The following PTPRH variants were observed in gnomAD, a reference collection of about 807,000 sequenced individuals.
The protein encoded by PTPRH is protein tyrosine phosphatase receptor type H, also known as receptor-type tyrosine-protein phosphatase H.
In PTPRH, 113 loss-of-function variants were observed where a neutral mutation model predicts 130.2. That is an observed-to-expected ratio of 0.87 (90% CI 0.75 to 1.01). The LOEUF is 1.01. PTPRH is among the 50% of genes least tolerant of loss of function. PTPRH has a pLI of 0.00. For synonymous variants in PTPRH, 556 were observed against 577.9 expected (o/e 0.96, Z 0.54); for missense variants, 1,430 against 1,425.0 (o/e 1.00, Z -0.06).
intron 16 of PTPRH, 56 bp downstream of exon 16, chr19:55,186,169 G>A: frequency 6.3e-7 from 1 of 1,579,146 alleles, no homozygotes; most frequent in African/African-American, 1.3e-5. Flanking sequence ...TACATTGGAT[G>A]AGTGTTCGGG....
chr19:55,188,822 C>A (rs2086442608), intron 12 of PTPRH, among the ~76,000 whole-genome samples: 1 of 152,176 alleles, frequency 6.6e-6, no homozygotes, highest in Admixed American at 6.5e-5. Flanking sequence ...CTGGCTTGGC[C>A]CCCACCTACC....
intron 8 of PTPRH, among the ~76,000 whole-genome samples, chr19:55,198,366 T>G (rs544239214): frequency 1.3e-3 from 201 of 152,308 alleles, no homozygotes; most frequent in Non-Finnish European, 4.7e-4. Flanking sequence ...GGTGACTTTG[T>G]CAGCTCCTGA....
In PTPRH at chr19:55,185,629, A is replaced by G. The variant is rs147127674; in HGVS notation, c.2935T>C (p.Phe979Leu). 1.9e-6 allele frequency: 3 copies of G among 1,614,050 alleles called. No individual in the cohort carries two copies. In the African/African-American group the frequency reaches 4.0e-5, roughly 22 times the overall value. Reference sequence around the variant, plus strand: ...TGATCCGGCCAGGCCTGGTAGTGGAATTGGCGCACAGACAGTGTCTTCTGC... The same window carrying G: ...TGATCCGGCCAGGCCTGGTAGTGGAGTTGGCGCACAGACAGTGTCTTCTGC... ...EEQKTLSVRQFHYQAWPDHGV... is the reference protein window; with the variant it reads ...EEQKTLSVRQLHYQAWPDHGV... Residue 979 changes from phenylalanine to leucine, a missense_variant, in exon 18 of 20, where the codon TTC becomes CTC. Physicochemically the swap from Phe to Leu is conservative, Grantham distance 22. Transcript: ENST00000376350.
At chr19:55,207,019 C>G in intron 2 of PTPRH, 64 bp from the exon 3 acceptor site, 1 of 1,551,060 alleles carries the variant, frequency 6.4e-7, no homozygotes, top group Non-Finnish European at 8.7e-7. Flanking sequence ...CTCCCAACCC[C>G]TGAGCTCACG....
At position 55,196,610 on chromosome 19, in the gene PTPRH, C is replaced by T. The variant is rs760694139; in HGVS notation, c.2169G>A (p.Pro723=). 7.4e-6 allele frequency: 12 copies of T among 1,613,666 alleles called. No homozygotes were observed. The highest frequency in any genetic ancestry group is 5.3e-5 in the African/African-American group (4 of 74,796). The change falls in exon 10 of 20, where the codon CCG becomes CCA. Residue 723 remains proline, a synonymous_variant. Coordinates refer to ENST00000376350, the MANE Select transcript of PTPRH (RefSeq NM_002842.5). ...GEAVSVLGLG[P]ARSYPATITT... ...TGATGGTGGCTGGGTAGGACCGAGC[C>T]GGCCCGAGACCCAACACAGACACAG... is the stretch of plus-strand genomic sequence containing the variant.
At position 55,209,421 on chromosome 19, in the gene PTPRH, C is replaced by CT; in HGVS notation, c.12_13insA (p.Gly5ArgfsTer104). On this transcript the variant is annotated frameshift_variant, in exon 1 of 20. Coordinates refer to ENST00000376350, the MANE Select transcript of PTPRH (RefSeq NM_002842.5). LOFTEE classifies it high-confidence loss of function. The surrounding 1 kb of genome is among the most constrained non-coding windows in gnomAD (Gnocchi z 4.1). Reference sequence around the variant, plus strand: ...TTCCCCCAGACCCCGAGGCCCCCGCCAGCCCCAGCCATGCCTCCAGACACT... The same window carrying CT: ...TTCCCCCAGACCCCGAGGCCCCCGCCTAGCCCCAGCCATGCCTCCAGACACT... 6.4e-7 allele frequency: 1 copy of CT among 1,558,144 alleles called. No homozygotes were observed.
At position 55,197,335 on chromosome 19, in the gene PTPRH, G is replaced by A. The variant is rs763755655; in HGVS notation, c.1772C>T (p.Pro591Leu). 9.9e-6 allele frequency: 16 copies of A among 1,614,198 alleles called. No homozygotes were observed. The highest frequency in any genetic ancestry group is 1.3e-5 in the Non-Finnish European group (15 of 1,180,030). The change falls in exon 9 of 20, where the codon CCC becomes CTC. Residue 591 changes from proline (P) to leucine (L), a missense_variant. Transcript: ENST00000376350. The part of the protein sequence containing the change: ...VMLWWKAPGD[P>L]HSQLYVYWVQ... ...CCAGTATACGTACAACTGAGAGTGG[G>A]GGTCTCCAGGGGCCTTCCACCACAG...
At chr19:55,193,854 G>C (rs568378487) in intron 10 of PTPRH, among the ~76,000 whole-genome samples, 1 of 150,630 alleles carries the variant, frequency 6.6e-6, no homozygotes, top group Non-Finnish European at 1.5e-5. Context: ...TTTTTTTCTT[G>C]GTTTGTTTTT....
chr19:55,194,414 CA>C, intron 10 of PTPRH: 1 of 1,058,058 alleles, frequency 9.5e-7, no homozygotes, highest in Non-Finnish European at 1.2e-6. Context: ...CCTGTTCTCT[CA>C]GGGATCCTTG....
rs758930687 is a variant in PTPRH at position 55,198,633 on chromosome 19, T to G, written c.1690+10A>C. 2.5e-6 allele frequency: 4 copies of G among 1,590,920 alleles called. No homozygotes were observed. In the African/African-American group the frequency reaches 5.4e-5, roughly 21 times the overall value. On this transcript the variant is annotated intron_variant, in intron 8 of 19. Transcript: ENST00000376350. ...TAATAGGGCTGGGTTCAGAACCGAC[T>G]GTGTCTCACCAGTGGCTGCAGTGAG...
In PTPRH at chr19:55,188,151, G is replaced by A. The variant is rs1036047961; in HGVS notation, c.2402C>T (p.Pro801Leu). 6.2e-7 allele frequency: 1 copy of A among 1,613,876 alleles called. No homozygotes were observed. Among genetic ancestry groups the A allele is most frequent in the African/African-American group, 1.3e-5 (1 of 74,920 alleles). ...GACGTGGTCAGCGAAGTCTTCAGCT[G>A]GGATGTCCCCTGGGGAGCTACGGGT... Reference protein sequence around the residue: ...DLVFSSPGDIPAEDFADHVRK... With the variant: ...DLVFSSPGDILAEDFADHVRK... Residue 801 changes from proline to leucine, a missense_variant, in exon 13 of 20, where the codon CCA becomes CTA. Transcript: ENST00000376350.
At chr19:55,204,591 C>A (rs570397686) in intron 4 of PTPRH, among the ~76,000 whole-genome samples, 1 of 152,130 alleles carries the variant, frequency 6.6e-6, no homozygotes, top group East Asian at 1.9e-4. Context: ...GCACTCCCCC[C>A]CACCCTTTTT....
intron 8 of PTPRH, 59 bp from the exon 9 acceptor site, chr19:55,197,475 T>G: frequency 6.8e-7 from 1 of 1,477,542 alleles, no homozygotes; most frequent in Non-Finnish European, 9.3e-7. Context: ...TACCCCAGCC[T>G]GTCTGCCTCT....
rs527794806 is a variant in PTPRH, at chr19:55,194,823, C to T, written c.2257+1699G>A. ...AAAACCTATCCACAAACGTTCCTAG[C>T]GGCATTACCCATAATGGTCAAAAGT... On this transcript the variant is annotated intron_variant, in intron 10 of 19. Coordinates refer to ENST00000376350, the MANE Select transcript of PTPRH (RefSeq NM_002842.5). Among the ~76,000 whole-genome samples, 10 of 152,244 alleles carry T rather than the reference C, an allele frequency of 6.6e-5. No individual in the cohort carries two copies. The East Asian group carries it at 7.7e-4, about 12-fold the overall frequency.
chr19:55,187,653 C>A (rs1268021518), intron 13 of PTPRH, 50 bp from the exon 14 acceptor site: 1 of 1,403,574 alleles, frequency 7.1e-7, no homozygotes, highest in Admixed American at 1.7e-5. Context: ...TCTCTACTTT[C>A]CCTCGGGGGT....
Position 55,204,021 on chromosome 19 carries a change from A to C in PTPRH, c.647T>G (p.Val216Gly), listed in dbSNP as rs764295093. ...TAHNPVRNLR[V>G]EAQTTSSISL... is the part of the protein sequence containing the mutation. The stretch of plus-strand genomic sequence containing the variant: ...GATGGAGCTGGTGGTCTGAGCCTCC[A>C]CTCTCAGGTTCCTCACTGGGTTGTG... The change falls in exon 5 of 20, where the codon GTG (valine) becomes GGG (glycine). Residue 216 changes from valine (V) to glycine (G), a missense_variant. Val to Gly is a moderately radical substitution (Grantham distance 109, BLOSUM62 -3). Transcript: ENST00000376350. 6.2e-7 allele frequency: 1 copy of C among 1,613,836 alleles called. No individual in the cohort carries two copies. The highest frequency in any genetic ancestry group is 8.5e-7 in the Non-Finnish European group (1 of 1,179,846).
intron 5 of PTPRH, among the ~76,000 whole-genome samples, chr19:55,202,967 G>A (rs1440801639): frequency 6.6e-6 from 1 of 151,136 alleles, no homozygotes; most frequent in Admixed American, 6.6e-5. Context: ...GAACCCAGGA[G>A]GTGGAGGTTG....
intron 10 of PTPRH, among the ~76,000 whole-genome samples, chr19:55,194,454 TGG>T (rs1048251638): frequency 6.6e-5 from 10 of 152,106 alleles, no homozygotes; most frequent in Admixed American, 6.6e-5. Flanking sequence ...TTCTAAGCAA[TGG>T]GGTCTGGCAA....
Position 55,187,593 on chromosome 19 carries a change from A to AGTT in PTPRH, c.2485_2486insAAC (p.Ser828_Leu829insGln). 1.9e-6 allele frequency: 3 copies of AGTT among 1,612,308 alleles called. No individual in the cohort carries two copies. The highest frequency in any genetic ancestry group is 2.5e-6 in the Non-Finnish European group (3 of 1,178,730). On this transcript the variant is annotated inframe_insertion, in exon 14 of 20. Coordinates refer to ENST00000376350, the MANE Select transcript of PTPRH (RefSeq NM_002842.5). ...CATCTGAGACTGGCTGTGGCCCACC[A>AGTT]GGGAGAGTTGCTGGGGATGCAGGGA...
Sources: allele counts gnomAD v4.1 joint callset (sites outside exome capture counted in the v4.1 genomes callset), GRCh38; gene constraint gnomAD v4.1.1; non-coding constraint Gnocchi (gnomAD v3.1); transcripts MANE v1.5; gene names NCBI Gene and HGNC (gene_info 2026-07-23, HGNC 2026-07-21).